Variants in NOL4 observed in about 807,000 individuals in gnomAD.
NOL4 encodes the protein nucleolar protein 4, also known as cancer/testis antigen 125.
Under a neutral mutation model 75.9 loss-of-function variants are expected in NOL4, and 17 were observed. That is an observed-to-expected ratio of 0.22 (90% CI 0.15 to 0.34). The LOEUF (loss-of-function observed/expected upper bound fraction) is 0.34. Among genes scored for constraint, NOL4 ranks in the 10% least tolerant of loss-of-function variants. NOL4 has a pLI of 1.00. For synonymous variants in NOL4, 292 were observed against 289.9 expected (o/e 1.01, Z -0.07); for missense variants, 614 against 793.5 (o/e 0.77, Z 2.72).
At chr18:34,167,905 C>T (rs778012201) in intron 1 of NOL4, among the ~76,000 whole-genome samples, 3 of 152,068 alleles carry the variant, frequency 2.0e-5, no homozygotes, top group Non-Finnish European at 2.9e-5. Flanking sequence ...ACTACATTTT[C>T]GACAATATCT....
At chr18:33,899,275 T>G (rs1036422935) in intron 9 of NOL4, among the ~76,000 whole-genome samples, 1 of 152,086 alleles carries the variant, frequency 6.6e-6, no homozygotes, top group Non-Finnish European at 1.5e-5. Context: ...CCCAACTCCT[T>G]TCTTTTCACC....
intron 1 of NOL4, among the ~76,000 whole-genome samples, chr18:34,195,431 T>C (rs1454561035): frequency 1.3e-5 from 2 of 152,138 alleles, no homozygotes; most frequent in African/African-American, 4.8e-5. Context: ...TAACAAAATA[T>C]TTATCAATGT....
intron 10 of NOL4, among the ~76,000 whole-genome samples, chr18:33,854,481 G>C (rs2062753290): frequency 6.6e-6 from 1 of 152,072 alleles, no homozygotes; most frequent in Non-Finnish European, 1.5e-5. Context: ...CTGGAAGAGA[G>C]ATGTGCGATG....
rs1010131781 is a variant in NOL4 at position 34,098,948 on chromosome 18, T to A, written c.639+5099A>T. On this transcript the variant is annotated intron_variant, in intron 4 of 10. Transcript: ENST00000261592. ...ACGGCCAGTTTCCTAAATTTTCCTG[T>A]GTGTTTTTTCTCTCCACATCAATTC... Among the ~76,000 whole-genome samples, 21 of 152,318 alleles carry A rather than the reference T, an allele frequency of 1.4e-4. No homozygotes were observed. In the South Asian group the frequency reaches 1.9e-3, roughly 14 times the overall value.
At chr18:33,864,969 C>G (rs767316753) in intron 10 of NOL4, among the ~76,000 whole-genome samples, 1 of 152,060 alleles carries the variant, frequency 6.6e-6, no homozygotes, top group Non-Finnish European at 1.5e-5. Flanking sequence ...TGAGGGAAAC[C>G]TCTCCCATGA....
At chr18:34,016,889 T>C (rs1455952595) in intron 6 of NOL4, among the ~76,000 whole-genome samples, 1 of 152,128 alleles carries the variant, frequency 6.6e-6, no homozygotes, top group African/African-American at 2.4e-5. Flanking sequence ...TAGTAAATAT[T>C]TGGAGAATAA....
At chr18:34,036,014 A>T (rs2075877595) in intron 5 of NOL4, among the ~76,000 whole-genome samples, 1 of 152,176 alleles carries the variant, frequency 6.6e-6, no homozygotes, top group Non-Finnish European at 1.5e-5. Context: ...GACCAGGACC[A>T]GATAAATTCA....
chr18:34,062,946 A>T (rs2077126203), intron 5 of NOL4, among the ~76,000 whole-genome samples: 1 of 152,172 alleles, frequency 6.6e-6, no homozygotes, highest in Non-Finnish European at 1.5e-5. Context: ...TAATGCCATT[A>T]ATCATTCAAT....
intron 6 of NOL4, among the ~76,000 whole-genome samples, chr18:33,998,392 C>G (rs2073444363): frequency 6.6e-6 from 1 of 152,008 alleles, no homozygotes; most frequent in African/African-American, 2.4e-5. Flanking sequence ...TGAAATCACT[C>G]TTTTTCTCCA....
chr18:33,857,576 T>C (rs1430990288), intron 10 of NOL4, among the ~76,000 whole-genome samples: 1 of 152,016 alleles, frequency 6.6e-6, no homozygotes, highest in Non-Finnish European at 1.5e-5. Context: ...AAAAATTTAA[T>C]ATTAGCCCTG....
chr18:34,057,508 T>G (rs192621001), intron 5 of NOL4, among the ~76,000 whole-genome samples: 45 of 152,318 alleles, frequency 3.0e-4, no homozygotes, highest in Non-Finnish European at 1.9e-4. Context: ...AGAGTAGAAC[T>G]GAATTTCAGG....
At chr18:33,876,204 C>A (rs957764689) in intron 10 of NOL4, among the ~76,000 whole-genome samples, 1 of 151,982 alleles carries the variant, frequency 6.6e-6, no homozygotes, top group African/African-American at 2.4e-5. Context: ...TTGTCTTGAA[C>A]ATGATATAAT....
chr18:33,958,843 A>AAT (rs147427409), intron 6 of NOL4, among the ~76,000 whole-genome samples: 3,101 of 152,252 alleles, frequency 0.02, 51 homozygotes, highest in Non-Finnish European at 0.027. Flanking sequence ...CACTTTATAT[A>AAT]ATATTGTATT....
At chr18:33,906,167 T>C (rs1400935616) in intron 9 of NOL4, among the ~76,000 whole-genome samples, 2 of 152,128 alleles carry the variant, frequency 1.3e-5, no homozygotes, top group African/African-American at 2.4e-5. Flanking sequence ...ATAAAAATAG[T>C]GTACCCACAC....
At chr18:34,065,044 T>C (rs2077215956) in intron 5 of NOL4, among the ~76,000 whole-genome samples, 1 of 151,860 alleles carries the variant, frequency 6.6e-6, no homozygotes. Context: ...ATGTTTTGGA[T>C]TTATTAAAGC....
intron 1 of NOL4, among the ~76,000 whole-genome samples, chr18:34,152,309 A>T (rs2081677997): frequency 6.6e-6 from 1 of 151,918 alleles, no homozygotes. Flanking sequence ...TCATGTAAAA[A>T]TAGGACTCTT....
At chr18:34,022,218 A>T (rs2075087459) in intron 5 of NOL4, among the ~76,000 whole-genome samples, 1 of 151,706 alleles carries the variant, frequency 6.6e-6, no homozygotes, top group Non-Finnish European at 1.5e-5. Flanking sequence ...CTGAAATAAT[A>T]TTTTTAAACA....
chr18:34,065,417 A>C (rs1375590699), intron 5 of NOL4, among the ~76,000 whole-genome samples: 1 of 152,002 alleles, frequency 6.6e-6, no homozygotes, highest in Non-Finnish European at 1.5e-5. Context: ...TGCCTATTGA[A>C]GTTAAAATGA....
chr18:34,205,628 T>C (rs1814184546), intron 1 of NOL4, among the ~76,000 whole-genome samples: 1 of 152,132 alleles, frequency 6.6e-6, no homozygotes, highest in African/African-American at 2.4e-5. Flanking sequence ...TAATCTTGCA[T>C]ATTCCCTGTG....
Sources: gnomAD v4.1 joint callset for allele counts (sites outside exome capture counted in the v4.1 genomes callset) on GRCh38, gnomAD v4.1.1 for gene constraint, MANE v1.5 for transcripts, NCBI Gene and HGNC (gene_info 2026-07-23, HGNC 2026-07-21) for gene names.